NEURL1B: variants seen among roughly 807,000 people sequenced by gnomAD.
NEURL1B encodes the protein E3 ubiquitin-protein ligase NEURL1B.
A neutral mutation model predicts 37.4 loss-of-function variants in NEURL1B; 13 were observed. The observed-to-expected ratio is 0.35, with a 90% CI of 0.23 to 0.55. The LOEUF (loss-of-function observed/expected upper bound fraction) is 0.55. NEURL1B is among the 20% of genes least tolerant of loss of function. The probability of loss-of-function intolerance (pLI) is 0.89; values close to 1 mark genes in which losing one functional copy is unlikely to be tolerated. For synonymous variants in NEURL1B, 432 were observed against 426.6 expected, an observed-to-expected ratio of 1.01 and a Z score of -0.16; for missense variants, 790 against 879.2, an observed-to-expected ratio of 0.90 and a Z score of 1.28.
chr5:172,683,682 C>A lies in NEURL1B; in HGVS notation c.841C>A (p.Arg281Ser). The stretch of plus-strand genomic sequence containing the variant: ...GCCGGCGCTACTGGAGGCCGACCTG[C>A]GCTTCCACGCAACACGCGGGCCCGA... Reference protein sequence around the residue: ...SSPALLEADLRFHATRGPDVS... With the variant: ...SSPALLEADLSFHATRGPDVS... Residue 281 changes from arginine to serine, a missense_variant, in exon 3 of 5, where the codon CGC (arginine) becomes AGC (serine). Arg to Ser is a moderately radical substitution (Grantham distance 110). Transcript: ENST00000369800. This position sits in a 1 kb window ranked among gnomAD's most constrained non-coding sequence, Gnocchi z 5.6. 7.5e-7 allele frequency: 1 copy of A among 1,336,286 alleles called. No homozygotes were observed. The highest frequency in any genetic ancestry group is 1.5e-5 in the South Asian group (1 of 67,186). The allele number at this position is 1,336,286 out of a possible 1,614,324, so 82.8% of individuals were successfully genotyped here. A position where few individuals can be genotyped will look rare whatever the true frequency, so the allele number is the denominator to read the frequency against.
chr5:172,649,345 CTTTTTTTTTTTTT>C lies in NEURL1B; in HGVS notation c.31+7930_31+7942del, dbSNP rs70984904. On this transcript the variant is annotated intron_variant, in intron 1 of 4. Transcript: ENST00000369800. ...CGAACTCCTGCAAAGCCCTTCACTTCTTTTTTTTTTTTTTTTTTTTTTTTTTTTTTTTTTGAGA... is the reference window on the plus strand; with the variant it reads ...CGAACTCCTGCAAAGCCCTTCACTTCTTTTTTTTTTTTTTTTTTTTTGAGA... Among the ~76,000 whole-genome samples, 562 of 65,242 alleles carry C rather than the reference CTTTTTTTTTTTTT, an allele frequency of 8.6e-3. 4 individuals carry two copies. Among genetic ancestry groups the C allele is most frequent in the African/African-American group, 0.035 (524 of 14,948 alleles). The allele number at this position is 65,242 out of a possible 152,430, so 42.8% of individuals were successfully genotyped here.
rs925997721 is a variant in NEURL1B at position 172,687,237 on chromosome 5, G to A, written c.*312G>A. ...TCTGTCTGTGCAATGCTTCTTGCTG[G>A]GGTTGGGTTGAGTGTGAGAGAAGGG... On this transcript the variant is annotated 3_prime_UTR_variant, in exon 5 of 5. Coordinates refer to ENST00000369800, the MANE Select transcript of NEURL1B (RefSeq NM_001142651.3). The A allele has an allele frequency of 7.2e-6, 2 of 277,332 alleles. No individual in the cohort carries two copies. Among genetic ancestry groups the A allele is most frequent in the Admixed American group, 4.6e-5 (1 of 21,900 alleles). The allele number at this position is 277,332 out of a possible 1,614,324, so 17.2% of individuals were successfully genotyped here.
At chr5:172,658,496 G>A (rs1472859895) in intron 1 of NEURL1B, among the ~76,000 whole-genome samples, 2 of 152,184 alleles carry the variant, frequency 1.3e-5, no homozygotes, top group South Asian at 2.1e-4. Context: ...ACGCATCAGA[G>A]TCACTTCCTG....
chr5:172,644,463 CTA>C (rs543119401), intron 1 of NEURL1B, among the ~76,000 whole-genome samples: 186 of 152,312 alleles, frequency 1.2e-3, no homozygotes, highest in African/African-American at 4.2e-3. Flanking sequence ...GCATGCTACA[CTA>C]TACAATAAGG....
At chr5:172,646,188 C>T (rs1243825307) in intron 1 of NEURL1B, among the ~76,000 whole-genome samples, 2 of 152,182 alleles carry the variant, frequency 1.3e-5, no homozygotes, top group Admixed American at 6.5e-5. Context: ...TAGAGTCAAG[C>T]TGCCTGGGTT....
At chr5:172,680,844 T>C (rs1272362844) in intron 2 of NEURL1B, among the ~76,000 whole-genome samples, 3 of 152,258 alleles carry the variant, frequency 2.0e-5, no homozygotes, top group Admixed American at 1.3e-4. Flanking sequence ...GAAAACTCAA[T>C]TTTTAAAAAT....
rs1758498837 is a variant in NEURL1B at position 172,686,453 on chromosome 5, G to GTC, written c.1423+159_1423+160dup. On this transcript the variant is annotated intron_variant, in intron 4 of 4. Transcript: ENST00000369800. The surrounding 1 kb of genome is among the most constrained non-coding windows in gnomAD (Gnocchi z 7.9). ...ATGCTCAGCTGGAGGGAGGAGAAGTGTCTAGATAGGGCATTCCAAAGGGTG... is the reference window on the plus strand; with the variant it reads ...ATGCTCAGCTGGAGGGAGGAGAAGTGTCTCTAGATAGGGCATTCCAAAGGGTG... Among the ~76,000 whole-genome samples the GTC allele has an allele frequency of 6.6e-6, 1 of 152,230 alleles. No homozygotes were observed. Among genetic ancestry groups the GTC allele is most frequent in the Non-Finnish European group, 1.5e-5 (1 of 68,040 alleles).
In NEURL1B at chr5:172,686,559, G is replaced by A. The variant is rs979791946; in HGVS notation, c.1424-122G>A. 1 of 1,176,964 alleles carries A rather than the reference G, an allele frequency of 8.5e-7. No individual in the cohort carries two copies. Among genetic ancestry groups the A allele is most frequent in the Non-Finnish European group, 1.2e-6 (1 of 847,532 alleles). The allele number at this position is 1,176,964 out of a possible 1,614,324, so 72.9% of individuals were successfully genotyped here. A position where few individuals can be genotyped will look rare whatever the true frequency, so the allele number is the denominator to read the frequency against. On this transcript the variant is annotated intron_variant, in intron 4 of 4. Coordinates refer to ENST00000369800, the MANE Select transcript of NEURL1B (RefSeq NM_001142651.3). This position sits in a 1 kb window ranked among gnomAD's most constrained non-coding sequence, Gnocchi z 7.9. ...AAACCTGCAAGGTAAACTCAAATTA[G>A]TATCTCCCAAAAGTATTCTCCCACC...
chr5:172,684,014 C>A lies in NEURL1B; in HGVS notation c.1173C>A (p.Gly391=). The change falls in exon 3 of 5, where the codon GGC becomes GGA. Residue 391 remains glycine, a synonymous_variant. Coordinates refer to ENST00000369800, the MANE Select transcript of NEURL1B (RefSeq NM_001142651.3). ...CGCTCAGCTTCACGCTGCGGCCCGG[C>A]GGCGACGTGCTCCTGGGCATCAACG... ...GDALSFTLRP[G]GDVLLGINGR... 1.5e-6 allele frequency: 2 copies of A among 1,334,766 alleles called. No homozygotes were observed. The highest frequency in any genetic ancestry group is 1.9e-6 in the Non-Finnish European group (2 of 1,040,346). The allele number at this position is 1,334,766 out of a possible 1,614,324, so 82.7% of individuals were successfully genotyped here.
Position 172,690,709 on chromosome 5 carries a change from TGCTGTGC to T in NEURL1B, c.*3788_*3794del, listed in dbSNP as rs1313821540. Reference sequence around the variant, plus strand: ...AAAGGCTGCCTTCTTGACCAGAACCTGCTGTGCGCTTCACAGAACCTCCTCTTCATTG... The same window carrying T: ...AAAGGCTGCCTTCTTGACCAGAACCTGCTTCACAGAACCTCCTCTTCATTG... On this transcript the variant is annotated 3_prime_UTR_variant, in exon 5 of 5. Transcript: ENST00000369800. 6.8e-6 allele frequency: 1 copy of T among 146,174 alleles called. No individual in the cohort carries two copies. The highest frequency in any genetic ancestry group is 1.5e-5 in the Non-Finnish European group (1 of 68,046). 9.1% of individuals were successfully genotyped at this position (146,174 alleles called of 1,614,324 possible). A position where few individuals can be genotyped will look rare whatever the true frequency, so the allele number is the denominator to read the frequency against.
At chr5:172,677,048 C>A (rs1216067584) in intron 2 of NEURL1B, among the ~76,000 whole-genome samples, 1 of 150,648 alleles carries the variant, frequency 6.6e-6, no homozygotes, top group Non-Finnish European at 1.5e-5. Context: ...GGTCAGTGGC[C>A]ACGGTGGGGG....
chr5:172,673,879 C>T (rs943839402), intron 2 of NEURL1B, among the ~76,000 whole-genome samples: 2 of 151,462 alleles, frequency 1.3e-5, no homozygotes, highest in Admixed American at 6.6e-5. Context: ...TGGCTCACAT[C>T]TGTAATCCCA....
At chr5:172,662,941 G>T (rs1757930307) in intron 1 of NEURL1B, among the ~76,000 whole-genome samples, 1 of 150,956 alleles carries the variant, frequency 6.6e-6, no homozygotes. Flanking sequence ...AACCATGGGG[G>T]TTAGGCTGGG....
intron 1 of NEURL1B, among the ~76,000 whole-genome samples, chr5:172,645,362 T>C (rs13183447): frequency 0.71 from 107,458 of 152,018 alleles, 38,943 homozygotes; most frequent in African/African-American, 0.86. Context: ...TGCAGAGCCC[T>C]TTTCTCTTTT....
At chr5:172,653,779 C>T (rs748088686) in intron 1 of NEURL1B, among the ~76,000 whole-genome samples, 16 of 152,276 alleles carry the variant, frequency 1.1e-4, no homozygotes, top group Non-Finnish European at 1.8e-4. Flanking sequence ...AATAGTTTTA[C>T]ATTCAGGAGG....
chr5:172,684,164 A>AGGCCC (rs1758432879), intron 3 of NEURL1B, 26 bp downstream of exon 3: 1 of 1,215,448 alleles, frequency 8.2e-7, no homozygotes, highest in Non-Finnish European at 1.0e-6. Context: ...CGCGTGCGCG[A>AGGCCC]GGCCCCGCCC....
At chr5:172,643,001 T>G (rs530862076) in intron 1 of NEURL1B, among the ~76,000 whole-genome samples, 69 of 152,360 alleles carry the variant, frequency 4.5e-4, no homozygotes, top group Admixed American at 1.8e-3. Context: ...ACTATTCTAG[T>G]AAAAAGCCAT....
Position 172,683,423 on chromosome 5 carries a change from C to T in NEURL1B, c.582C>T (p.Ser194=), listed in dbSNP as rs542963788. 2.9e-6 allele frequency: 4 copies of T among 1,391,742 alleles called. No individual in the cohort carries two copies. Among genetic ancestry groups the T allele is most frequent in the Non-Finnish European group, 2.8e-6 (3 of 1,068,426 alleles). 86.2% of individuals were successfully genotyped at this position (1,391,742 alleles called of 1,614,324 possible). Residue 194 remains serine (S), a synonymous_variant, in exon 3 of 5, where the codon AGC becomes AGT. Coordinates refer to ENST00000369800, the MANE Select transcript of NEURL1B (RefSeq NM_001142651.3). The surrounding 1 kb of genome is among the most constrained non-coding windows in gnomAD (Gnocchi z 5.6). ...TCCCTCCCTTTGTCCGCACAGAGAG[C>T]GCCTTCGCTGACACGCTGACGCCCG... ...GITDEVQLLE[S]AFADTLTPAR...
chr5:172,682,578 A>G (rs1313586636), intron 2 of NEURL1B, among the ~76,000 whole-genome samples: 1 of 150,830 alleles, frequency 6.6e-6, no homozygotes, highest in Non-Finnish European at 1.5e-5. Context: ...CTCTATCTCA[A>G]AAAAAAAAAA....
Sources: gnomAD v4.1 joint callset for allele counts (sites outside exome capture counted in the v4.1 genomes callset) on GRCh38, gnomAD v4.1.1 for gene constraint, Gnocchi (gnomAD v3.1) non-coding constraint, MANE v1.5 for transcripts, NCBI Gene and HGNC (gene_info 2026-07-23, HGNC 2026-07-21) for gene names.